The following ZBBX variants were observed in gnomAD, a reference collection of about 807,000 sequenced individuals.
The protein encoded by ZBBX is zinc finger B-box domain-containing protein 1.
ZBBX carries 101 observed loss-of-function variants against 108.5 expected under a neutral mutation model. The ratio of observed to expected loss-of-function variants is 0.93; its 90% confidence interval spans 0.79 to 1.10. ZBBX has a LOEUF of 1.10. ZBBX is among the 50% of genes least tolerant of loss of function. The pLI is 0.00. For synonymous variants in ZBBX, 356 were observed against 323.4 expected (o/e 1.10, Z -1.08); for missense variants, 1,009 against 941.4 (o/e 1.07, Z -0.94).
the ZBBX span, among the ~76,000 whole-genome samples, chr3:167,205,328 G>C: frequency 6.6e-6 from 1 of 152,030 alleles, no homozygotes; most frequent in African/African-American, 2.4e-5. Context: ...TCTCAGGATT[G>C]GGGTGAAGTA....
chr3:167,404,152 A>C (rs1748509328), intron 1 of ZBBX, among the ~76,000 whole-genome samples: 1 of 152,192 alleles, frequency 6.6e-6, no homozygotes, highest in African/African-American at 2.4e-5. Context: ...ATAGCCAACA[A>C]AGTAAACTTC....
the ZBBX span, among the ~76,000 whole-genome samples, chr3:167,228,869 T>C: frequency 1.3e-5 from 2 of 151,796 alleles, no homozygotes; most frequent in African/African-American, 2.4e-5. Flanking sequence ...TTGAACAACA[T>C]GGGGCTGGCT....
chr3:167,204,166 T>C, the ZBBX span, among the ~76,000 whole-genome samples: 2 of 151,572 alleles, frequency 1.3e-5, no homozygotes, highest in African/African-American at 4.8e-5. Context: ...TGTAAGTTTA[T>C]AATGCAGAAG....
At chr3:167,365,756 C>A in intron 6 of ZBBX, 130 bp downstream of exon 6, 3 of 487,044 alleles carry the variant, frequency 6.2e-6, no homozygotes, top group Non-Finnish European at 1.0e-5. Context: ...AATAAATCAA[C>A]AAGTGAATAA....
intron 19 of ZBBX, among the ~76,000 whole-genome samples, chr3:167,288,089 C>T (rs1730027622): frequency 7.9e-5 from 12 of 151,988 alleles, no homozygotes; most frequent in Admixed American, 7.9e-4. Context: ...CTCTTTTATC[C>T]TCGGGGCCAA....
the ZBBX span, among the ~76,000 whole-genome samples, chr3:167,202,136 G>A: frequency 6.6e-6 from 1 of 152,046 alleles, no homozygotes; most frequent in East Asian, 1.9e-4. Context: ...TAATGTTACT[G>A]GAGATATCCA....
chr3:167,211,124 A>G, the ZBBX span, among the ~76,000 whole-genome samples: 1 of 152,142 alleles, frequency 6.6e-6, no homozygotes, highest in African/African-American at 2.4e-5. Flanking sequence ...CCACAAGACA[A>G]GACAATGGCC....
intron 4 of ZBBX, chr3:167,368,894 TA>T (rs1177736220): frequency 4.0e-6 from 1 of 250,772 alleles, no homozygotes; most frequent in Non-Finnish European, 6.5e-6. Flanking sequence ...GAAAACGAAA[TA>T]AAAATATTGT....
chr3:167,350,391 T>G (rs1742416032), intron 9 of ZBBX, 29 bp downstream of exon 9: 1 of 1,527,132 alleles, frequency 6.5e-7, no homozygotes, highest in Non-Finnish European at 8.9e-7. Flanking sequence ...ATAAACACAC[T>G]ACAAGTAAAT....
chr3:167,275,664 TC>T (rs1363732457), intron 20 of ZBBX, among the ~76,000 whole-genome samples: 6 of 152,142 alleles, frequency 3.9e-5, no homozygotes, highest in Non-Finnish European at 5.9e-5. Context: ...AGCACAGCAG[TC>T]TGAGATCAAA....
At chr3:167,191,344 C>T in the ZBBX span, among the ~76,000 whole-genome samples, 18 of 152,168 alleles carry the variant, frequency 1.2e-4, no homozygotes, top group African/African-American at 4.1e-4. Context: ...TCTGGATCTT[C>T]CACCATCTCA....
At chr3:167,204,979 G>A in the ZBBX span, among the ~76,000 whole-genome samples, 2 of 151,970 alleles carry the variant, frequency 1.3e-5, no homozygotes, top group Non-Finnish European at 2.9e-5. Flanking sequence ...TACTATTGAT[G>A]GAGAAGATGA....
intron 12 of ZBBX, among the ~76,000 whole-genome samples, chr3:167,318,331 A>G (rs1735816000): frequency 6.6e-6 from 1 of 152,022 alleles, no homozygotes; most frequent in African/African-American, 2.4e-5. Flanking sequence ...ATATGGATAC[A>G]AAATCTAAAA....
At chr3:167,370,341 C>T (rs924393923) in intron 4 of ZBBX, among the ~76,000 whole-genome samples, 18 of 148,872 alleles carry the variant, frequency 1.2e-4, no homozygotes, top group African/African-American at 4.5e-4. Flanking sequence ...TAAAATAATC[C>T]CATGTTTCTT....
At chr3:167,292,780 C>G (rs1203229497) in intron 18 of ZBBX, among the ~76,000 whole-genome samples, 2 of 151,738 alleles carry the variant, frequency 1.3e-5, no homozygotes, top group Non-Finnish European at 2.9e-5. Context: ...TTTGAAAAGA[C>G]CAACAAAGTA....
At chr3:167,307,893 C>T (rs1424077030) in intron 16 of ZBBX, among the ~76,000 whole-genome samples, 1 of 152,098 alleles carries the variant, frequency 6.6e-6, no homozygotes, top group East Asian at 1.9e-4. Flanking sequence ...ACATTCAGGA[C>T]ATGGGTATAG....
the ZBBX span, among the ~76,000 whole-genome samples, chr3:167,216,395 T>C: frequency 6.6e-6 from 1 of 150,468 alleles, no homozygotes; most frequent in Non-Finnish European, 1.5e-5. Context: ...AAAAATAATA[T>C]ATCTAGAATA....
chr3:167,242,775 C>T, intron 20 of ZBBX, 132 bp from the exon 21 acceptor site: 2 of 807,256 alleles, frequency 2.5e-6, no homozygotes, highest in East Asian at 6.2e-5. Flanking sequence ...TTTAATTATT[C>T]CTCAATTTTC....
chr3:167,210,008 TG>T, the ZBBX span, among the ~76,000 whole-genome samples: 1 of 152,148 alleles, frequency 6.6e-6, no homozygotes, highest in Non-Finnish European at 1.5e-5. Context: ...GAGAATTGCT[TG>T]AACCTAGGAA....
Sources: gnomAD v4.1 joint callset for allele counts (sites outside exome capture counted in the v4.1 genomes callset) on GRCh38, gnomAD v4.1.1 for gene constraint, MANE v1.5 for transcripts, NCBI Gene and HGNC (gene_info 2026-07-23, HGNC 2026-07-21) for gene names.